The following SHISA6 variants were observed in gnomAD, a reference collection of about 807,000 sequenced individuals.
SHISA6 encodes the protein protein shisa-6.
Under a neutral mutation model 47.9 loss-of-function variants are expected in SHISA6, and 22 were observed. That is an observed-to-expected ratio of 0.46 (90% CI 0.33 to 0.66). The LOEUF (loss-of-function observed/expected upper bound fraction) is 0.66. Ranked by LOEUF, SHISA6 falls within the 30% of genes least tolerant of loss-of-function variation. The pLI, the probability that SHISA6 is intolerant of heterozygous loss-of-function variation, is 0.02. For synonymous variants in SHISA6, 388 were observed against 337.8 expected, an observed-to-expected ratio of 1.15 and a Z score of -1.63; for missense variants, 680 against 764.6, an observed-to-expected ratio of 0.89 and a Z score of 1.30.
chr17:11,500,067 G>T lies in SHISA6; in HGVS notation c.896-51829G>T, dbSNP rs2071438972. ...AGCCTGAGACCAAAGCAGACAGTTGGGCAGGGACCCAGGCAGAGGCCAGAG... is the reference window on the plus strand; with the variant it reads ...AGCCTGAGACCAAAGCAGACAGTTGTGCAGGGACCCAGGCAGAGGCCAGAG... On this transcript the variant is annotated intron_variant, in intron 3 of 5. Transcript: ENST00000441885. Among the ~76,000 whole-genome samples, 3 of 152,142 alleles carry T rather than the reference G, an allele frequency of 2.0e-5. No homozygotes were observed. In the South Asian group the frequency reaches 6.2e-4, roughly 32 times the overall value.
chr17:11,406,254 T>A (rs1416513331), intron 3 of SHISA6, among the ~76,000 whole-genome samples: 1 of 152,160 alleles, frequency 6.6e-6, no homozygotes, highest in Admixed American at 6.5e-5. Flanking sequence ...TCTTCCACTT[T>A]TTGTCATTTT....
At chr17:11,424,751 C>A (rs574597499) in intron 3 of SHISA6, among the ~76,000 whole-genome samples, 190 of 151,766 alleles carry the variant, frequency 1.3e-3, no homozygotes, top group Non-Finnish European at 2.4e-3. Context: ...CGCCTGTAAT[C>A]CCAGCACTTT....
At chr17:11,540,628 G>A (rs1387581975) in intron 3 of SHISA6, among the ~76,000 whole-genome samples, 1 of 152,170 alleles carries the variant, frequency 6.6e-6, no homozygotes, top group Non-Finnish European at 1.5e-5. Context: ...CCCAATGGAT[G>A]TATATGTTTC....
chr17:11,492,218 A>T (rs1375470147), intron 3 of SHISA6, among the ~76,000 whole-genome samples: 1 of 152,170 alleles, frequency 6.6e-6, no homozygotes. Flanking sequence ...ATGAAGTGCT[A>T]AAAGGCCACA....
chr17:11,252,642 C>T (rs763921165), intron 1 of SHISA6, among the ~76,000 whole-genome samples: 1 of 152,166 alleles, frequency 6.6e-6, no homozygotes, highest in Admixed American at 6.5e-5. Context: ...AGAAGGGAGT[C>T]GCCAGGGGAG....
chr17:11,414,389 A>G (rs193199779), intron 3 of SHISA6, among the ~76,000 whole-genome samples: 4 of 152,234 alleles, frequency 2.6e-5, no homozygotes, highest in African/African-American at 9.6e-5. Context: ...GGAGGCATTC[A>G]TCTTGACCCA....
At chr17:11,413,953 T>A (rs1257940271) in intron 3 of SHISA6, among the ~76,000 whole-genome samples, 1 of 152,136 alleles carries the variant, frequency 6.6e-6, no homozygotes, top group African/African-American at 2.4e-5. Context: ...CAGGGACTTA[T>A]TAGCAAAAAC....
At chr17:11,425,106 T>C (rs1251007039) in intron 3 of SHISA6, among the ~76,000 whole-genome samples, 1 of 152,010 alleles carries the variant, frequency 6.6e-6, no homozygotes, top group Admixed American at 6.5e-5. Flanking sequence ...GTTCTTTTTA[T>C]GTGTCTGAAA....
intron 2 of SHISA6, among the ~76,000 whole-genome samples, chr17:11,343,033 C>T (rs1213567700): frequency 6.6e-6 from 1 of 152,192 alleles, no homozygotes; most frequent in Non-Finnish European, 1.5e-5. Context: ...CAGGGACTGA[C>T]TTGGGGTGGT....
chr17:11,462,061 A>T (rs1915705491), intron 3 of SHISA6, among the ~76,000 whole-genome samples: 2 of 152,210 alleles, frequency 1.3e-5, no homozygotes, highest in African/African-American at 4.8e-5. Context: ...ATTTCAGGCA[A>T]AGCCATATAA....
intron 2 of SHISA6, among the ~76,000 whole-genome samples, chr17:11,287,758 G>T (rs368658479): frequency 1.3e-5 from 2 of 150,234 alleles, no homozygotes; most frequent in South Asian, 2.1e-4. Flanking sequence ...AAGGGAAGTG[G>T]GGAGGGAAGG....
intron 3 of SHISA6, among the ~76,000 whole-genome samples, chr17:11,539,197 C>T (rs909142581): frequency 2.4e-4 from 36 of 152,298 alleles, no homozygotes; most frequent in Non-Finnish European, 2.1e-4. Flanking sequence ...CCGCCTTGGC[C>T]TCCCAAAGTG....
intron 3 of SHISA6, among the ~76,000 whole-genome samples, chr17:11,510,899 A>G (rs2071535649): frequency 6.6e-6 from 1 of 152,192 alleles, no homozygotes; most frequent in Non-Finnish European, 1.5e-5. Flanking sequence ...TCCAGACTCT[A>G]AAACCCTGAG....
rs186627803 is a variant in SHISA6 at position 11,489,405 on chromosome 17, G to T, written c.896-62491G>T. 3.0e-3 allele frequency among the ~76,000 whole-genome samples: 454 copies of T among 152,236 alleles called. 6 individuals carry two copies. The highest frequency in any genetic ancestry group is 4.0e-3 in the Non-Finnish European group (269 of 68,026). ...CAACACTTAACATTAACTCTCCCTT[G>T]AGTGTCTAGCTTTAGTCTTATTTGC... On this transcript the variant is annotated intron_variant, in intron 3 of 5. Transcript: ENST00000441885.
intron 3 of SHISA6, among the ~76,000 whole-genome samples, chr17:11,528,170 A>G (rs2071702335): frequency 6.6e-6 from 1 of 152,218 alleles, no homozygotes; most frequent in African/African-American, 2.4e-5. Context: ...AGTTGTATCC[A>G]TTGTAAAAGA....
At chr17:11,452,784 C>G (rs1447052938) in intron 3 of SHISA6, among the ~76,000 whole-genome samples, 3 of 150,610 alleles carry the variant, frequency 2.0e-5, no homozygotes. Flanking sequence ...CCTCCTCTTT[C>G]TCTTCTCCCT....
At chr17:11,270,842 G>A (rs74441177) in intron 2 of SHISA6, among the ~76,000 whole-genome samples, 2,081 of 152,252 alleles carry the variant, frequency 0.014, 42 homozygotes, top group African/African-American at 0.048. Flanking sequence ...GATCCCATAG[G>A]GGAATGGATG....
chr17:11,507,864 T>C (rs1171454156), intron 3 of SHISA6, among the ~76,000 whole-genome samples: 1 of 152,228 alleles, frequency 6.6e-6, no homozygotes, highest in Non-Finnish European at 1.5e-5. Context: ...TATTTCTCAT[T>C]GAAACATCTG....
intron 3 of SHISA6, among the ~76,000 whole-genome samples, chr17:11,471,567 A>C (rs2142322337): frequency 6.6e-6 from 1 of 152,298 alleles, no homozygotes; most frequent in South Asian, 2.1e-4. Flanking sequence ...TCATCTGCTC[A>C]GAGGAAGCCT....
Sources: allele counts gnomAD v4.1 joint callset (sites outside exome capture counted in the v4.1 genomes callset), GRCh38; gene constraint gnomAD v4.1.1; transcripts MANE v1.5; gene names NCBI Gene and HGNC (gene_info 2026-07-23, HGNC 2026-07-21).